MEF2D: variants seen among roughly 807,000 people sequenced by gnomAD.
MEF2D encodes myocyte enhancer factor 2D.
In MEF2D, 10 loss-of-function variants were observed where a neutral mutation model predicts 59.3. That is an observed-to-expected ratio of 0.17 (90% confidence interval 0.10 to 0.29). The LOEUF is 0.29. Ranked by LOEUF, MEF2D falls within the 10% of genes least tolerant of loss-of-function variation. The pLI, the probability that MEF2D is intolerant of heterozygous loss-of-function variation, is 1.00. For synonymous variants in MEF2D, 305 were observed against 295.0 expected (o/e 1.03, Z -0.35); for missense variants, 508 against 699.4 (o/e 0.73, Z 3.09).
At chr1:156,489,155 T>A (rs2102212875) in intron 1 of MEF2D, among the ~76,000 whole-genome samples, 1 of 152,272 alleles carries the variant, frequency 6.6e-6, no homozygotes, top group Non-Finnish European at 1.5e-5. Context: ...AGGCCCTTCA[T>A]CTCTTCCTCC....
At chr1:156,477,279 T>C (rs1671679310) in intron 6 of MEF2D, 77 bp from the exon 7 acceptor site, 2 of 1,265,030 alleles carry the variant, frequency 1.6e-6, no homozygotes, top group Admixed American at 2.5e-5. Flanking sequence ...CCCACACCAA[T>C]ACTCCTGTTA....
At position 156,476,995 on chromosome 1, in the gene MEF2D, C is replaced by G. The variant is rs1464701693; in HGVS notation, c.855+17G>C. The stretch of plus-strand genomic sequence containing the variant: ...TCCATTCCCCAGCCCCCACCCTTGG[C>G]CCAGACACCCACTTACCAAGTGATG... On this transcript the variant is annotated intron_variant, in intron 7 of 11. Transcript: ENST00000348159. 1 of 1,613,414 alleles carries G rather than the reference C, an allele frequency of 6.2e-7. No homozygotes were observed. Among genetic ancestry groups the G allele is most frequent in the Admixed American group, 1.7e-5 (1 of 60,004 alleles).
chr1:156,468,653 G>A lies in MEF2D; in HGVS notation c.1247+127C>T. On this transcript the variant is annotated intron_variant, in intron 10 of 11. Transcript: ENST00000348159. This position sits in a 1 kb window ranked among gnomAD's most constrained non-coding sequence, Gnocchi z 4.3. ...GGGTGCCACTGTTGCCTAACAGACT[G>A]TGCAGTGCACAGCCTCATAGGATGT... 2 of 1,453,998 alleles carry A rather than the reference G, an allele frequency of 1.4e-6. No individual in the cohort carries two copies. Among genetic ancestry groups the A allele is most frequent in the Non-Finnish European group, 1.9e-6 (2 of 1,076,768 alleles). 90.1% of individuals were successfully genotyped at this position (1,453,998 alleles called of 1,614,324 possible).
At chr1:156,481,145 A>G (rs1433358590) in intron 3 of MEF2D, among the ~76,000 whole-genome samples, 174 bp from the exon 4 acceptor site, 2 of 152,182 alleles carry the variant, frequency 1.3e-5, no homozygotes, top group Admixed American at 6.5e-5. Flanking sequence ...CATCGTGTGA[A>G]GATCTGAAGA....
rs548161723 is a variant in MEF2D, at chr1:156,493,546, A to G, written c.-139+6940T>C. On this transcript the variant is annotated intron_variant, in intron 1 of 11. Transcript: ENST00000348159. ...GGTGCCAGGTGAGGCTAAGATGCCCAGCCAGATGGAGGGGGGCCCAGAAGG... is the reference window on the plus strand; with the variant it reads ...GGTGCCAGGTGAGGCTAAGATGCCCGGCCAGATGGAGGGGGGCCCAGAAGG... Among the ~76,000 whole-genome samples the G allele has an allele frequency of 1.2e-4, 18 of 150,464 alleles. No homozygotes were observed. The South Asian group carries it at 3.9e-3, about 33-fold the overall frequency.
intron 4 of MEF2D, 91 bp from the exon 5 acceptor site, chr1:156,479,887 C>T (rs1671878089): frequency 7.8e-7 from 1 of 1,287,098 alleles, no homozygotes; most frequent in African/African-American, 1.5e-5. Flanking sequence ...GGGTTCTTCT[C>T]ATTTCTGGGC....
At chr1:156,497,360 G>A (rs971028725) in intron 1 of MEF2D, among the ~76,000 whole-genome samples, 1 of 152,246 alleles carries the variant, frequency 6.6e-6, no homozygotes, top group African/African-American at 2.4e-5. Context: ...ATAAAAAAGA[G>A]ATAGTTGCCT....
intron 1 of MEF2D, among the ~76,000 whole-genome samples, chr1:156,487,223 A>C (rs1410459477): frequency 6.6e-6 from 1 of 152,236 alleles, no homozygotes; most frequent in African/African-American, 2.4e-5. Flanking sequence ...GAGAGGGATC[A>C]GGGCTGAGAA....
intron 8 of MEF2D, among the ~76,000 whole-genome samples, chr1:156,476,007 G>GC (rs910023773): frequency 3.3e-5 from 5 of 152,130 alleles, no homozygotes; most frequent in African/African-American, 1.2e-4. Context: ...TCCAGCCTGG[G>GC]CCTGGGCCTT....
chr1:156,478,711 G>A (rs956212012), intron 6 of MEF2D, among the ~76,000 whole-genome samples: 1 of 152,074 alleles, frequency 6.6e-6, no homozygotes, highest in Non-Finnish European at 1.5e-5. Flanking sequence ...TGTATTTTTA[G>A]TAGAGATGGG....
chr1:156,489,566 G>A (rs1672616985), intron 1 of MEF2D, among the ~76,000 whole-genome samples: 1 of 152,026 alleles, frequency 6.6e-6, no homozygotes, highest in Admixed American at 6.6e-5. Flanking sequence ...AGAGAAGCAG[G>A]TAGAGAACAA....
In MEF2D at chr1:156,477,313, T is replaced by G. The variant is rs1571232914; in HGVS notation, c.665-111A>C. 4.3e-6 allele frequency: 4 copies of G among 935,352 alleles called. No homozygotes were observed. The East Asian group carries it at 8.0e-5, about 19-fold the overall frequency. The allele number at this position is 935,352 out of a possible 1,614,324, so 57.9% of individuals were successfully genotyped here. A position where few individuals can be genotyped will look rare whatever the true frequency, so the allele number is the denominator to read the frequency against. On this transcript the variant is annotated intron_variant, in intron 6 of 11. Coordinates refer to ENST00000348159, the MANE Select transcript of MEF2D (RefSeq NM_005920.4). ...TACCCGGAACCTCTCAAAGCCATGC[T>G]TAGGCTTTGAGTGGGGGCTGAGCTA...
rs142031630 is a variant in MEF2D, at chr1:156,479,487, G to A, written c.607+99C>T. 1.6e-4 allele frequency: 237 copies of A among 1,500,474 alleles called. 1 individual carries two copies. The African/African-American group carries it at 2.7e-3, about 17-fold the overall frequency. 92.9% of individuals were successfully genotyped at this position (1,500,474 alleles called of 1,614,324 possible). On this transcript the variant is annotated intron_variant, in intron 5 of 11. Transcript: ENST00000348159. ...GGAGCCATACAAATGGCGGAATGCT[G>A]TGGTGGGTGAAGAGAAATACTTGCT...
At chr1:156,496,388 C>A (rs1446925687) in intron 1 of MEF2D, among the ~76,000 whole-genome samples, 2 of 152,036 alleles carry the variant, frequency 1.3e-5, no homozygotes, top group East Asian at 3.9e-4. Context: ...GACCCGGGGA[C>A]ACACGGTCAG....
chr1:156,481,050 A>G, intron 3 of MEF2D, 79 bp from the exon 4 acceptor site: 1 of 1,589,594 alleles, frequency 6.3e-7, no homozygotes, highest in Non-Finnish European at 8.6e-7. Flanking sequence ...GCCCCTCCCT[A>G]AGGGCCCCCT....
At chr1:156,499,768 G>A (rs959891681) in intron 1 of MEF2D, among the ~76,000 whole-genome samples, 4 of 152,082 alleles carry the variant, frequency 2.6e-5, no homozygotes, top group Non-Finnish European at 5.9e-5. Context: ...TGGGGTTACT[G>A]ACAAACCACA....
intron 9 of MEF2D, among the ~76,000 whole-genome samples, chr1:156,470,112 C>T (rs1485597372): frequency 2.0e-5 from 3 of 152,220 alleles, no homozygotes; most frequent in Admixed American, 6.5e-5. Context: ...GATGGTTGCA[C>T]TGTCACAGAA....
At chr1:156,492,834 T>C (rs932055143) in intron 1 of MEF2D, among the ~76,000 whole-genome samples, 6 of 152,224 alleles carry the variant, frequency 3.9e-5, no homozygotes, top group South Asian at 4.2e-4. Flanking sequence ...TTGAGAGCCG[T>C]TGGAATGAGC....
At chr1:156,492,095 T>G (rs1170875166) in intron 1 of MEF2D, among the ~76,000 whole-genome samples, 2 of 152,238 alleles carry the variant, frequency 1.3e-5, no homozygotes, top group Non-Finnish European at 2.9e-5. Context: ...TTTGGTAAGA[T>G]TCACAGGGTG....
Sources: allele counts gnomAD v4.1 joint callset (sites outside exome capture counted in the v4.1 genomes callset), GRCh38; gene constraint gnomAD v4.1.1; non-coding constraint Gnocchi (gnomAD v3.1); transcripts MANE v1.5; gene names NCBI Gene and HGNC (gene_info 2026-07-23, HGNC 2026-07-21).